Variants in JPH1 observed in about 807,000 individuals in gnomAD.
JPH1 encodes junctophilin 1, also known as junctophilin-1.
Under a neutral mutation model 53.6 loss-of-function variants are expected in JPH1, and 12 were observed. That is an observed-to-expected ratio of 0.22 (90% CI 0.14 to 0.36). The LOEUF (loss-of-function observed/expected upper bound fraction) is 0.36, where lower values mean the gene tolerates loss of function less well. Among genes scored for constraint, JPH1 ranks in the 10% least tolerant of loss-of-function variants. The pLI, the probability that JPH1 is intolerant of heterozygous loss-of-function variation, is 1.00. For synonymous variants in JPH1, 375 were observed against 363.8 expected, an observed-to-expected ratio of 1.03 and a Z score of -0.35; for missense variants, 808 against 905.5, an observed-to-expected ratio of 0.89 and a Z score of 1.38.
intron 4 of JPH1, among the ~76,000 whole-genome samples, chr8:74,241,351 G>A (rs867553586): frequency 2.6e-5 from 4 of 152,058 alleles, no homozygotes; most frequent in African/African-American, 4.8e-5. Flanking sequence ...TCATAAATAC[G>A]ACTGTGGTGG....
At chr8:74,306,742 G>A (rs1313620705) in intron 2 of JPH1, among the ~76,000 whole-genome samples, 1 of 151,894 alleles carries the variant, frequency 6.6e-6, no homozygotes, top group Non-Finnish European at 1.5e-5. Context: ...GATTACAGGT[G>A]CCCGCCACGA....
intron 3 of JPH1, among the ~76,000 whole-genome samples, chr8:74,253,833 A>G (rs1387621782): frequency 6.6e-6 from 1 of 152,112 alleles, no homozygotes; most frequent in Non-Finnish European, 1.5e-5. Context: ...CTCTCCCAAG[A>G]CTAAACCAGG....
chr8:74,307,425 C>G (rs1807870942), intron 2 of JPH1, among the ~76,000 whole-genome samples: 1 of 152,164 alleles, frequency 6.6e-6, no homozygotes, highest in African/African-American at 2.4e-5. Flanking sequence ...GTATTTCAAC[C>G]AAGCGTCTGG....
Position 74,244,601 on chromosome 8 carries a change from C to G in JPH1, c.1833G>C (p.Lys611Asn). The G allele has an allele frequency of 6.2e-7, 1 of 1,614,184 alleles. No homozygotes were observed. The highest frequency in any genetic ancestry group is 1.1e-5 in the South Asian group (1 of 91,076). ...KESKAEPKAK[K>N]SELAIPKNPA... is the part of the protein sequence containing the mutation. Reference sequence around the variant, plus strand: ...GATTCTTTGGTATAGCAAGTTCAGACTTCTTAGCTTTTGGCTCAGCTTTGC... The same window carrying G: ...GATTCTTTGGTATAGCAAGTTCAGAGTTCTTAGCTTTTGGCTCAGCTTTGC... The change falls in exon 4 of 6, where the codon AAG becomes AAC. Residue 611 changes from lysine to asparagine, a missense_variant. By Grantham distance (94) the Lys-to-Asn change is moderately conservative. Coordinates refer to ENST00000342232, the MANE Select transcript of JPH1 (RefSeq NM_020647.4).
chr8:74,281,979 T>C (rs917129921), intron 2 of JPH1, among the ~76,000 whole-genome samples: 9 of 152,224 alleles, frequency 5.9e-5, no homozygotes, highest in Non-Finnish European at 1.2e-4. Context: ...TAATCCAACC[T>C]GAGTTTAGGA....
At chr8:74,266,117 A>C (rs1373455982) in intron 2 of JPH1, among the ~76,000 whole-genome samples, 2 of 151,176 alleles carry the variant, frequency 1.3e-5, no homozygotes, top group East Asian at 1.9e-4. Context: ...CCTACTTTTC[A>C]GTATATACTA....
At chr8:74,318,571 T>C (rs1223073504) in intron 1 of JPH1, among the ~76,000 whole-genome samples, 1 of 152,208 alleles carries the variant, frequency 6.6e-6, no homozygotes, top group Non-Finnish European at 1.5e-5. Flanking sequence ...GGGGTTTCTA[T>C]TTCAGCAACA....
intron 2 of JPH1, among the ~76,000 whole-genome samples, chr8:74,299,471 C>A (rs937913583): frequency 3.3e-5 from 5 of 152,172 alleles, no homozygotes; most frequent in African/African-American, 1.2e-4. Flanking sequence ...GTCAACGATT[C>A]GAGCCGTGTT....
chr8:74,252,253 C>G (rs1366274327), intron 3 of JPH1, among the ~76,000 whole-genome samples: 1 of 152,140 alleles, frequency 6.6e-6, no homozygotes, highest in Non-Finnish European at 1.5e-5. Context: ...ACTCAGGACA[C>G]AGGCATGGGC....
In JPH1 at chr8:74,237,235, G is replaced by C. The variant is rs919236234; in HGVS notation, c.1974C>G (p.His658Gln). 1.2e-6 allele frequency: 2 copies of C among 1,610,822 alleles called. No individual in the cohort carries two copies. Among genetic ancestry groups the C allele is most frequent in the Non-Finnish European group, 1.7e-6 (2 of 1,177,524 alleles). Residue 658 changes from histidine (H) to glutamine (Q), a missense_variant, in exon 5 of 6, where the codon CAC (histidine) becomes CAG (glutamine). Transcript: ENST00000342232. ...TTCCTAATTCCAATCAAGTTAGAAA[G>C]TGAACAAAAAGAATGGCCAACCCGA... ...LNIGLAILFV[H>Q]FLT
intron 2 of JPH1, among the ~76,000 whole-genome samples, chr8:74,314,128 C>T (rs1424566427): frequency 6.6e-6 from 1 of 152,184 alleles, no homozygotes; most frequent in Non-Finnish European, 1.5e-5. Context: ...CATTGAGAGT[C>T]CCATCTGTCC....
At chr8:74,296,908 C>T (rs1371808111) in intron 2 of JPH1, among the ~76,000 whole-genome samples, 2 of 152,096 alleles carry the variant, frequency 1.3e-5, no homozygotes, top group Admixed American at 6.6e-5. Flanking sequence ...CTGGCTAACT[C>T]GAAGTCCACG....
intron 1 of JPH1, among the ~76,000 whole-genome samples, chr8:74,316,079 T>A (rs1246977268): frequency 6.6e-6 from 1 of 152,226 alleles, no homozygotes; most frequent in Admixed American, 6.5e-5. Flanking sequence ...TATGTCAGTA[T>A]AACATTCCAA....
chr8:74,281,864 G>GGGCTGCCATT (rs1807025268), intron 2 of JPH1, among the ~76,000 whole-genome samples: 1 of 152,194 alleles, frequency 6.6e-6, no homozygotes, highest in African/African-American at 2.4e-5. Flanking sequence ...CTTCCCAGGA[G>GGGCTGCCATT]AGCTGAATGG....
chr8:74,301,001 T>C (rs1339943139), intron 2 of JPH1, among the ~76,000 whole-genome samples: 1 of 152,230 alleles, frequency 6.6e-6, no homozygotes, highest in Non-Finnish European at 1.5e-5. Context: ...TTGAATAATT[T>C]ATCACCCATA....
intron 1 of JPH1, among the ~76,000 whole-genome samples, chr8:74,316,045 A>G (rs1808148329): frequency 6.6e-6 from 1 of 152,200 alleles, no homozygotes; most frequent in Non-Finnish European, 1.5e-5. Context: ...TAGCTGGAAA[A>G]CTGTAAAAAA....
chr8:74,253,676 A>G (rs1806133639), intron 3 of JPH1, among the ~76,000 whole-genome samples: 1 of 152,140 alleles, frequency 6.6e-6, no homozygotes, highest in Non-Finnish European at 1.5e-5. Context: ...AGAGAGAAGA[A>G]TCAAATAGAC....
rs1586778451 is a variant in JPH1 at position 74,314,929 on chromosome 8, G to C, written c.1071C>G (p.Asp357Glu). The part of the protein sequence containing the change: ...IRHTKTREKV[D>E]RAIEGAQRAA... ...CCCTTTGGGCGCCTTCAATTGCTCT[G>C]TCCACCTTCTCCCTAGTTTTTGTAT... Residue 357 changes from aspartate (D) to glutamate (E), a missense_variant, in exon 2 of 6, where the codon GAC (aspartate) becomes GAG (glutamate). Coordinates refer to ENST00000342232, the MANE Select transcript of JPH1 (RefSeq NM_020647.4). 1 of 1,614,026 alleles carries C rather than the reference G, an allele frequency of 6.2e-7. No homozygotes were observed.
Position 74,270,288 on chromosome 8 carries a change from C to T in JPH1, c.1140-10785G>A, listed in dbSNP as rs150717022. ...CCCAAATCACCAAATTAGTAATTAA[C>T]GCCTCCAAGTTTAAAAGGAAATATC... On this transcript the variant is annotated intron_variant, in intron 2 of 5. Transcript: ENST00000342232. Among the ~76,000 whole-genome samples, 15 of 152,304 alleles carry T rather than the reference C, an allele frequency of 9.8e-5. No individual in the cohort carries two copies. In the East Asian group the frequency reaches 2.3e-3, roughly 23 times the overall value.
Sources: gnomAD v4.1 joint callset for allele counts (sites outside exome capture counted in the v4.1 genomes callset) on GRCh38, gnomAD v4.1.1 for gene constraint, MANE v1.5 for transcripts, NCBI Gene and HGNC (gene_info 2026-07-23, HGNC 2026-07-21) for gene names.